TECRL: variants seen among roughly 807,000 people sequenced by gnomAD.
TECRL encodes trans-2,3-enoyl-CoA reductase like.
Under a neutral mutation model 52.8 loss-of-function variants are expected in TECRL, and 63 were observed. The ratio of observed to expected loss-of-function variants is 1.19; its 90% confidence interval spans 0.97 to 1.47. The LOEUF is 1.47. Ranked by LOEUF, TECRL falls within the 40% of genes most tolerant of loss-of-function variation. The pLI is 0.00. For missense variants in TECRL, 482 were observed against 429.6 expected, an observed-to-expected ratio of 1.12 and a Z score of -1.08; for synonymous variants, 164 against 141.9, an observed-to-expected ratio of 1.16 and a Z score of -1.10.
chr4:64,280,978 C>T, intron 11 of TECRL, 63 bp downstream of exon 11: 1 of 1,262,662 alleles, frequency 7.9e-7, no homozygotes, highest in Non-Finnish European at 1.1e-6. Context: ...AACTTTTTCT[C>T]AGAAACCATT....
In TECRL at chr4:64,338,317, A is replaced by G. The variant is rs187720218; in HGVS notation, c.287-9761T>C. Reference sequence around the variant, plus strand: ...TAAAGACTTACATGTTAGACCTAAAACCATAAAATACCTAGAAGAAAACCT... The same window carrying G: ...TAAAGACTTACATGTTAGACCTAAAGCCATAAAATACCTAGAAGAAAACCT... On this transcript the variant is annotated intron_variant, in intron 2 of 11. Coordinates refer to ENST00000381210, the MANE Select transcript of TECRL (RefSeq NM_001010874.5). 2.0e-5 allele frequency among the ~76,000 whole-genome samples: 3 copies of G among 152,318 alleles called. No homozygotes were observed. The East Asian group carries it at 5.8e-4, about 29-fold the overall frequency.
chr4:64,405,087 ATAG>A (rs774444810), intron 1 of TECRL, among the ~76,000 whole-genome samples: 9 of 152,150 alleles, frequency 5.9e-5, no homozygotes, highest in Non-Finnish European at 1.0e-4. Flanking sequence ...AGAAAAATAA[ATAG>A]TAGTTTAGTT....
rs570391510 is a variant in TECRL, at chr4:64,279,785, T to C, written c.*287A>G. The C allele has an allele frequency of 4.0e-5, 40 of 998,402 alleles. No homozygotes were observed. In the African/African-American group the frequency reaches 6.2e-4, roughly 16 times the overall value. The allele number at this position is 998,402 out of a possible 1,614,324, so 61.8% of individuals were successfully genotyped here. ...TTTTTTGCTGTGGTATTTTGTCTTA[T>C]GCAAATAGTATTGTGAAGTATTAAT... On this transcript the variant is annotated 3_prime_UTR_variant, in exon 12 of 12. Transcript: ENST00000381210.
chr4:64,321,650 C>T (rs919156367), intron 4 of TECRL, among the ~76,000 whole-genome samples: 2 of 152,102 alleles, frequency 1.3e-5, no homozygotes, highest in Non-Finnish European at 2.9e-5. Context: ...TATTCTATTA[C>T]CCATGAGTGT....
chr4:64,406,174 G>A (rs920695771), intron 1 of TECRL, among the ~76,000 whole-genome samples: 1 of 149,752 alleles, frequency 6.7e-6, no homozygotes, highest in African/African-American at 2.4e-5. Context: ...GCGTGTGTGT[G>A]TGTGTGTATG....
intron 2 of TECRL, among the ~76,000 whole-genome samples, chr4:64,347,752 G>T (rs1720091078): frequency 6.6e-6 from 1 of 152,082 alleles, no homozygotes; most frequent in Middle Eastern, 3.2e-3. Context: ...CTCTGTATGT[G>T]GGGATTACAG....
At chr4:64,366,306 A>C (rs1721594540) in intron 2 of TECRL, among the ~76,000 whole-genome samples, 1 of 152,100 alleles carries the variant, frequency 6.6e-6, no homozygotes, top group Admixed American at 6.6e-5. Flanking sequence ...GACTGTAAAA[A>C]CTCTGGAAGA....
intron 2 of TECRL, among the ~76,000 whole-genome samples, chr4:64,359,065 A>T (rs921710123): frequency 6.6e-6 from 1 of 151,806 alleles, no homozygotes; most frequent in Middle Eastern, 3.2e-3. Flanking sequence ...TTCCATTGTG[A>T]TGCTTTTTAT....
chr4:64,303,657 T>C (rs1024240576), intron 7 of TECRL, among the ~76,000 whole-genome samples: 6 of 151,814 alleles, frequency 4.0e-5, no homozygotes, highest in African/African-American at 1.2e-4. Flanking sequence ...GTGCCAACCA[T>C]TTAGCATTTA....
chr4:64,290,123 T>C (rs1419709583), intron 8 of TECRL, among the ~76,000 whole-genome samples: 1 of 152,220 alleles, frequency 6.6e-6, no homozygotes, highest in African/African-American at 2.4e-5. Flanking sequence ...CATAGCTTCG[T>C]ATTAATCTCA....
rs1419166124 is a variant in TECRL, at chr4:64,313,880, T to C, written c.551+768A>G. 2.1e-5 allele frequency among the ~76,000 whole-genome samples: 3 copies of C among 144,478 alleles called. No homozygotes were observed. The Admixed American group carries it at 2.2e-4, about 10-fold the overall frequency. 94.8% of individuals were successfully genotyped at this position (144,478 alleles called of 152,430 possible). A position where few individuals can be genotyped will look rare whatever the true frequency, so the allele number is the denominator to read the frequency against. On this transcript the variant is annotated intron_variant, in intron 5 of 11. Coordinates refer to ENST00000381210, the MANE Select transcript of TECRL (RefSeq NM_001010874.5). The stretch of plus-strand genomic sequence containing the variant: ...CGGGCGTGGTGGCTCATGCCTGTAA[T>C]CCCAGCACTTTGGGAAGCCGAGGCG...
In TECRL at chr4:64,406,167, T is replaced by C. The variant is rs115362233; in HGVS notation, c.234+2951A>G. Among the ~76,000 whole-genome samples, 783 of 128,114 alleles carry C rather than the reference T, an allele frequency of 6.1e-3. 2 individuals carry two copies. Among genetic ancestry groups the C allele is most frequent in the African/African-American group, 0.017 (583 of 34,382 alleles). The allele number at this position is 128,114 out of a possible 152,430, so 84.0% of individuals were successfully genotyped here. A position where few individuals can be genotyped will look rare whatever the true frequency, so the allele number is the denominator to read the frequency against. The stretch of plus-strand genomic sequence containing the variant: ...TGTTAGGCGCGCGCGCGCGCGCGCG[T>C]GTGTGTGTGTGTGTATGTGTGTAAT... On this transcript the variant is annotated intron_variant, in intron 1 of 11. Coordinates refer to ENST00000381210, the MANE Select transcript of TECRL (RefSeq NM_001010874.5).
intron 2 of TECRL, among the ~76,000 whole-genome samples, chr4:64,338,344 G>A (rs966202951): frequency 6.6e-6 from 1 of 152,224 alleles, no homozygotes; most frequent in Non-Finnish European, 1.5e-5. Context: ...AGAAAACCTA[G>A]GCAATACCAT....
chr4:64,345,907 CAAAAA>C lies in TECRL; in HGVS notation c.287-17356_287-17352del, dbSNP rs777171822. On this transcript the variant is annotated intron_variant, in intron 2 of 11. Coordinates refer to ENST00000381210, the MANE Select transcript of TECRL (RefSeq NM_001010874.5). Reference sequence around the variant, plus strand: ...CCAACACTGATGGGTGCCTCAACAGCAAAAAAAAAAAAAAAAAAAAAAAACATTTA... The same window carrying C: ...CCAACACTGATGGGTGCCTCAACAGCAAAAAAAAAAAAAAAAAAACATTTA... 7.7e-4 allele frequency among the ~76,000 whole-genome samples: 18 copies of C among 23,348 alleles called. 1 individual carries two copies. The East Asian group carries it at 0.015, about 19-fold the overall frequency. 15.3% of individuals were successfully genotyped at this position (23,348 alleles called of 152,430 possible).
Position 64,408,042 on chromosome 4 carries a change from A to T in TECRL, c.234+1076T>A, listed in dbSNP as rs189208179. ...TTTAGATCTTTTAGTTCAATTCATG[A>T]CCTGTGTGCACTAATAAAAGGTCTT... On this transcript the variant is annotated intron_variant, in intron 1 of 11. Coordinates refer to ENST00000381210, the MANE Select transcript of TECRL (RefSeq NM_001010874.5). 3.6e-4 allele frequency among the ~76,000 whole-genome samples: 54 copies of T among 151,834 alleles called. No individual in the cohort carries two copies. The East Asian group carries it at 9.1e-3, about 25-fold the overall frequency.
At chr4:64,330,239 C>T (rs1718545755) in intron 2 of TECRL, among the ~76,000 whole-genome samples, 1 of 151,960 alleles carries the variant, frequency 6.6e-6, no homozygotes, top group Admixed American at 6.6e-5. Flanking sequence ...ATAAAACCTG[C>T]CAATTTATTT....
At chr4:64,354,584 T>G (rs913553066) in intron 2 of TECRL, among the ~76,000 whole-genome samples, 28 of 152,268 alleles carry the variant, frequency 1.8e-4, no homozygotes, top group African/African-American at 6.5e-4. Flanking sequence ...TGGAGGGGCA[T>G]GATTGTTGTG....
chr4:64,404,388 G>T (rs769744310), intron 1 of TECRL, among the ~76,000 whole-genome samples: 6 of 151,996 alleles, frequency 3.9e-5, no homozygotes, highest in Non-Finnish European at 7.4e-5. Flanking sequence ...CAGTAGATAA[G>T]CTTCTGACAT....
chr4:64,290,973 AG>A lies in TECRL; in HGVS notation c.775-1207del, dbSNP rs1212965681. 3.3e-5 allele frequency among the ~76,000 whole-genome samples: 5 copies of A among 152,182 alleles called. No individual in the cohort carries two copies. In the South Asian group the frequency reaches 8.3e-4, roughly 25 times the overall value. On this transcript the variant is annotated intron_variant, in intron 8 of 11. Coordinates refer to ENST00000381210, the MANE Select transcript of TECRL (RefSeq NM_001010874.5). ...GCTTTTGGTTTCTTAAGTTATCATT[AG>A]AAAGACAAAGTGGAATTTTGAATTT...
Sources: gnomAD v4.1 joint callset for allele counts (sites outside exome capture counted in the v4.1 genomes callset) on GRCh38, gnomAD v4.1.1 for gene constraint, MANE v1.5 for transcripts, NCBI Gene and HGNC (gene_info 2026-07-23, HGNC 2026-07-21) for gene names.